OPCML: variants seen among roughly 807,000 people sequenced by gnomAD.
OPCML encodes the protein opioid binding protein/cell adhesion molecule like.
In OPCML, 13 loss-of-function variants were observed where a neutral mutation model predicts 37.8. The observed-to-expected ratio is 0.34, with a 90% CI of 0.22 to 0.55. The LOEUF is 0.55. Among genes scored for constraint, OPCML ranks in the 20% least tolerant of loss-of-function variants. The pLI, the probability that OPCML is intolerant of heterozygous loss-of-function variation, is 0.91. For synonymous variants in OPCML, 176 were observed against 168.8 expected (o/e 1.04, Z -0.33); for missense variants, 341 against 435.6 (o/e 0.78, Z 1.93).
intron 1 of OPCML, among the ~76,000 whole-genome samples, chr11:133,376,603 T>C (rs1207643984): frequency 6.6e-6 from 1 of 152,212 alleles, no homozygotes; most frequent in Non-Finnish European, 1.5e-5. Flanking sequence ...GGAAAGTGAC[T>C]AGGCTTTTTA....
chr11:132,636,532 A>G (rs780592732), intron 3 of OPCML, among the ~76,000 whole-genome samples: 8 of 152,352 alleles, frequency 5.3e-5, no homozygotes, highest in Non-Finnish European at 1.0e-4. Context: ...CATATGTCCA[A>G]GCGAATAAGC....
chr11:132,537,579 C>A (rs756959388), intron 3 of OPCML, among the ~76,000 whole-genome samples: 1 of 152,092 alleles, frequency 6.6e-6, no homozygotes, highest in Non-Finnish European at 1.5e-5. Flanking sequence ...ATAGATAAAC[C>A]GGACTTCATT....
At chr11:133,119,196 C>T (rs1949383540) in intron 1 of OPCML, among the ~76,000 whole-genome samples, 1 of 152,094 alleles carries the variant, frequency 6.6e-6, no homozygotes, top group African/African-American at 2.4e-5. Flanking sequence ...GGCCAGGAGA[C>T]TCCCAGAGAA....
intron 1 of OPCML, among the ~76,000 whole-genome samples, chr11:133,313,333 CAAAT>C (rs1340007417): frequency 3.4e-4 from 52 of 152,308 alleles, no homozygotes; most frequent in Admixed American, 1.6e-3. Flanking sequence ...TAACTGTTCA[CAAAT>C]AAATAGACTG....
intron 1 of OPCML, among the ~76,000 whole-genome samples, chr11:133,318,139 C>A (rs969417159): frequency 2.6e-5 from 4 of 152,226 alleles, no homozygotes; most frequent in African/African-American, 9.6e-5. Context: ...CTCTCCATCA[C>A]ACGCTTTGTG....
chr11:133,453,043 A>T (rs1398550249), intron 1 of OPCML, among the ~76,000 whole-genome samples: 1 of 152,214 alleles, frequency 6.6e-6, no homozygotes, highest in African/African-American at 2.4e-5. Flanking sequence ...TGTGCCACAT[A>T]CAAAGGCTCA....
chr11:132,770,234 G>A (rs756131256), intron 2 of OPCML, among the ~76,000 whole-genome samples: 2 of 152,160 alleles, frequency 1.3e-5, no homozygotes, highest in South Asian at 2.1e-4. Flanking sequence ...AAACAGACAC[G>A]AATTCCTGCT....
chr11:133,244,977 C>T (rs1235175190), intron 1 of OPCML, among the ~76,000 whole-genome samples: 1 of 152,246 alleles, frequency 6.6e-6, no homozygotes, highest in Non-Finnish European at 1.5e-5. Context: ...AGACAGGCCC[C>T]TGCTGCCCAG....
At position 132,715,242 on chromosome 11, in the gene OPCML, A is replaced by G. The variant is rs184871546; in HGVS notation, c.147-57923T>C. The stretch of plus-strand genomic sequence containing the variant: ...GTTTAACTGGCTCACTCACTTACTC[A>G]TCTGTTCAACACAGACTTACTAAGC... On this transcript the variant is annotated intron_variant, in intron 2 of 7. Coordinates refer to ENST00000524381, the MANE Select transcript of OPCML (RefSeq NM_001012393.5). Among the ~76,000 whole-genome samples the G allele has an allele frequency of 2.0e-5, 3 of 152,328 alleles. No homozygotes were observed. In the East Asian group the frequency reaches 5.8e-4, roughly 29 times the overall value.
At chr11:133,060,991 T>C (rs1948331753) in intron 1 of OPCML, among the ~76,000 whole-genome samples, 1 of 152,232 alleles carries the variant, frequency 6.6e-6, no homozygotes. Context: ...GGATGCGAGC[T>C]AAAGAAAGAA....
chr11:132,653,527 A>G (rs896631229), intron 3 of OPCML, among the ~76,000 whole-genome samples: 2 of 152,190 alleles, frequency 1.3e-5, no homozygotes, highest in Non-Finnish European at 2.9e-5. Context: ...AGATCACATT[A>G]TCACATGCTC....
At chr11:133,069,726 A>T (rs1948495161) in intron 1 of OPCML, among the ~76,000 whole-genome samples, 1 of 152,236 alleles carries the variant, frequency 6.6e-6, no homozygotes, top group African/African-American at 2.4e-5. Flanking sequence ...GTGTTTCTGC[A>T]AGCCTGGGTG....
chr11:132,563,825 C>A (rs534633179), intron 3 of OPCML, among the ~76,000 whole-genome samples: 13 of 151,982 alleles, frequency 8.6e-5, no homozygotes, highest in South Asian at 8.3e-4. Flanking sequence ...AACAGAAAAA[C>A]TTCACTGACA....
chr11:133,078,435 G>C (rs75961988), intron 1 of OPCML, among the ~76,000 whole-genome samples: 1 of 152,166 alleles, frequency 6.6e-6, no homozygotes, highest in East Asian at 1.9e-4. Context: ...GAGGATAAAA[G>C]AAAATGAGCA....
rs540562955 is a variant in OPCML at position 132,566,946 on chromosome 11, C to T, written c.380-37760G>A. Among the ~76,000 whole-genome samples, 76 of 71,284 alleles carry T rather than the reference C, an allele frequency of 1.1e-3. No homozygotes were observed. In the East Asian group the frequency reaches 0.037, roughly 35 times the overall value. 46.8% of individuals were successfully genotyped at this position (71,284 alleles called of 152,430 possible). A position where few individuals can be genotyped will look rare whatever the true frequency, so the allele number is the denominator to read the frequency against. ...AAGGAGAAAGAGAACACGGTGCATA[C>T]GGCAACAACATCAACATCAGTTAGG... On this transcript the variant is annotated intron_variant, in intron 3 of 7. Transcript: ENST00000524381.
chr11:133,024,556 G>A (rs1387262148), intron 1 of OPCML: 1 of 985,130 alleles, frequency 1.0e-6, no homozygotes, highest in Non-Finnish European at 1.2e-6. Flanking sequence ...CGTAATTCAT[G>A]TACAACAAAG....
At chr11:132,933,825 G>A (rs1945286407) in intron 2 of OPCML, among the ~76,000 whole-genome samples, 2 of 152,010 alleles carry the variant, frequency 1.3e-5, no homozygotes, top group African/African-American at 4.8e-5. Context: ...GCACACGGCG[G>A]TACAAATTTG....
At chr11:133,507,184 C>G (rs1027539219) in intron 1 of OPCML, among the ~76,000 whole-genome samples, 2 of 152,170 alleles carry the variant, frequency 1.3e-5, no homozygotes, top group African/African-American at 4.8e-5. Context: ...TGGGCTAAGT[C>G]TTCGTGAAGA....
At chr11:132,825,832 C>G (rs1408818819) in intron 2 of OPCML, among the ~76,000 whole-genome samples, 1 of 152,152 alleles carries the variant, frequency 6.6e-6, no homozygotes, top group Admixed American at 6.5e-5. Context: ...GGTTGGGAGT[C>G]CTAGAAACAA....
Sources: allele counts gnomAD v4.1 joint callset (sites outside exome capture counted in the v4.1 genomes callset), GRCh38; gene constraint gnomAD v4.1.1; transcripts MANE v1.5; gene names NCBI Gene and HGNC (gene_info 2026-07-23, HGNC 2026-07-21).